Variants in FRMD4A observed in about 807,000 individuals in gnomAD.
FRMD4A encodes the protein FERM domain-containing protein 4A.
In FRMD4A, 29 loss-of-function variants were observed where a neutral mutation model predicts 129.1. That is an observed-to-expected ratio of 0.22 (90% CI 0.17 to 0.31). The LOEUF is 0.31. Among genes scored for constraint, FRMD4A ranks in the 10% least tolerant of loss-of-function variants. The probability of loss-of-function intolerance (pLI) is 1.00; values close to 1 mark genes in which losing one functional copy is unlikely to be tolerated. For missense variants in FRMD4A, 1,272 were observed against 1,375.8 expected (o/e 0.92, Z 1.19); for synonymous variants, 634 against 571.6 (o/e 1.11, Z -1.56).
intron 3 of FRMD4A, among the ~76,000 whole-genome samples, chr10:13,831,846 C>T (rs565882588): frequency 2.0e-4 from 30 of 152,174 alleles, no homozygotes; most frequent in Non-Finnish European, 2.8e-4. Context: ...AGGCATTCAC[C>T]GGGGGAGAGG....
At chr10:13,867,915 AATATATAATAAATAATAT>A (rs1460856767) in intron 2 of FRMD4A, among the ~76,000 whole-genome samples, 1 of 142,712 alleles carries the variant, frequency 7.0e-6, no homozygotes, top group Non-Finnish European at 1.5e-5. Flanking sequence ...TATATAATAT[AATATATAATAAATAATAT>A]ATATATAATA....
intron 2 of FRMD4A, among the ~76,000 whole-genome samples, chr10:14,139,431 ATTTC>A (rs146324451): frequency 0.25 from 37,253 of 150,478 alleles, 5,424 homozygotes; most frequent in East Asian, 0.54. Context: ...TCAAAAACAT[ATTTC>A]TTTTTTTATT....
chr10:14,041,375 T>TA (rs1286221951), intron 2 of FRMD4A, among the ~76,000 whole-genome samples: 2 of 152,278 alleles, frequency 1.3e-5, no homozygotes, highest in Admixed American at 1.3e-4. Flanking sequence ...TCAACATTTT[T>TA]ATTTTACAGC....
At chr10:13,886,230 G>T (rs200012113) in intron 2 of FRMD4A, among the ~76,000 whole-genome samples, 6 of 151,490 alleles carry the variant, frequency 4.0e-5, no homozygotes, top group South Asian at 2.1e-4. Flanking sequence ...TGCCGTTTTT[G>T]TTTTTTTTCC....
In FRMD4A at chr10:13,929,138, G is replaced by A. The variant is rs542498441; in HGVS notation, c.46-70226C>T. On this transcript the variant is annotated intron_variant, in intron 2 of 24. Coordinates refer to ENST00000357447, the MANE Select transcript of FRMD4A (RefSeq NM_018027.5). The stretch of plus-strand genomic sequence containing the variant: ...CACATTATTTGTGGGATGGTAGCCT[G>A]CAGGAGTTTTTTATTTTTAAATTAA... Among the ~76,000 whole-genome samples the A allele has an allele frequency of 4.2e-4, 64 of 152,310 alleles. 1 individual carries two copies. Among genetic ancestry groups the A allele is most frequent in the African/African-American group, 1.5e-3 (63 of 41,546 alleles).
intron 2 of FRMD4A, among the ~76,000 whole-genome samples, chr10:14,227,600 G>A (rs973068190): frequency 2.6e-5 from 4 of 151,870 alleles, no homozygotes; most frequent in Non-Finnish European, 5.9e-5. Context: ...CAGCTTGAGC[G>A]TCACTTACAC....
intron 2 of FRMD4A, among the ~76,000 whole-genome samples, chr10:14,030,687 G>A (rs1038825836): frequency 2.0e-5 from 3 of 152,228 alleles, no homozygotes; most frequent in African/African-American, 7.2e-5. Context: ...TTAAAGGTTT[G>A]CTTCTATAGG....
chr10:13,990,752 G>T (rs1287374896), intron 2 of FRMD4A, among the ~76,000 whole-genome samples: 1 of 152,212 alleles, frequency 6.6e-6, no homozygotes. Flanking sequence ...TCAGAAACGT[G>T]TAAGTGCCAG....
At chr10:14,176,426 C>A (rs1336547705) in intron 2 of FRMD4A, among the ~76,000 whole-genome samples, 3 of 147,078 alleles carry the variant, frequency 2.0e-5, no homozygotes, top group Non-Finnish European at 4.5e-5. Context: ...AAATAAAAAA[C>A]CAAAATGTCT....
chr10:13,711,673 A>G (rs77190665), intron 12 of FRMD4A, among the ~76,000 whole-genome samples: 12,089 of 152,324 alleles, frequency 0.079, 584 homozygotes, highest in Non-Finnish European at 0.1. Context: ...ATTCATACCT[A>G]TTAAATCAAG....
At chr10:14,157,486 T>C (rs1286921121) in intron 2 of FRMD4A, among the ~76,000 whole-genome samples, 5 of 152,206 alleles carry the variant, frequency 3.3e-5, no homozygotes, top group African/African-American at 4.8e-5. Context: ...ATTTCACTTT[T>C]TGAGTCTTCG....
chr10:13,986,718 C>T (rs1031773963), intron 2 of FRMD4A, among the ~76,000 whole-genome samples: 2 of 149,858 alleles, frequency 1.3e-5, no homozygotes, highest in South Asian at 2.1e-4. Context: ...CTTTTCCCTG[C>T]ACCCCGCTCC....
chr10:13,893,167 A>G (rs2610801), intron 2 of FRMD4A, among the ~76,000 whole-genome samples: 147,948 of 152,210 alleles, frequency 0.97, 72,011 homozygotes, highest in Non-Finnish European at 1. Flanking sequence ...CTCCTAAGTA[A>G]CTGGGACTAC....
rs199835533 is a variant in FRMD4A at position 13,836,978 on chromosome 10, C to T, written c.111+21869G>A. ...TTCACCGTGTTAGCCAGGACGGTCT[C>T]GAGCTCCTGACCTCATGATCTGCCT... On this transcript the variant is annotated intron_variant, in intron 3 of 24. Coordinates refer to ENST00000357447, the MANE Select transcript of FRMD4A (RefSeq NM_018027.5). 1.3e-4 allele frequency among the ~76,000 whole-genome samples: 20 copies of T among 152,128 alleles called. No homozygotes were observed. In the East Asian group the frequency reaches 2.3e-3, roughly 18 times the overall value.
At chr10:13,928,901 G>C (rs928677308) in intron 2 of FRMD4A, among the ~76,000 whole-genome samples, 1 of 152,136 alleles carries the variant, frequency 6.6e-6, no homozygotes, top group Non-Finnish European at 1.5e-5. Context: ...GAAGGAGGAG[G>C]CCTCCTTGAA....
intron 2 of FRMD4A, among the ~76,000 whole-genome samples, chr10:13,899,872 C>T (rs537697192): frequency 3.3e-5 from 5 of 152,278 alleles, no homozygotes; most frequent in Admixed American, 2.0e-4. Context: ...CCAGTTACAG[C>T]GGAAGACACC....
chr10:13,666,166 T>G lies in FRMD4A; in HGVS notation c.1534A>C (p.Asn512His), dbSNP rs750270418. 1 of 1,613,808 alleles carries G rather than the reference T, an allele frequency of 6.2e-7. No individual in the cohort carries two copies. Among genetic ancestry groups the G allele is most frequent in the East Asian group, 2.2e-5 (1 of 44,882 alleles). Residue 512 changes from asparagine to histidine, a missense_variant, in exon 18 of 25, where the codon AAT (asparagine) becomes CAT (histidine). Asn to His is a moderately conservative substitution (Grantham distance 68, BLOSUM62 1). This residue lies in a region of FRMD4A where 972 missense variants were observed against 892.3 expected (regional missense o/e 1.09). Transcript: ENST00000357447. ...NALKKLQEIE[N>H]AINENRIKSG... ...TTGATGCGGTTCTCATTGATTGCATTTTCAATCTCCTGCAGTTTCTTCAGT... is the reference window on the plus strand; with the variant it reads ...TTGATGCGGTTCTCATTGATTGCATGTTCAATCTCCTGCAGTTTCTTCAGT...
chr10:13,852,204 GA>G (rs1270268377), intron 3 of FRMD4A, among the ~76,000 whole-genome samples: 1 of 151,822 alleles, frequency 6.6e-6, no homozygotes, highest in Non-Finnish European at 1.5e-5. Flanking sequence ...CCATCCAAAA[GA>G]AATACAACGT....
chr10:14,285,119 G>C (rs1845641964), intron 2 of FRMD4A, among the ~76,000 whole-genome samples: 1 of 152,224 alleles, frequency 6.6e-6, no homozygotes, highest in Admixed American at 6.5e-5. Context: ...TAATGTGTAA[G>C]TATTGCAAAG....
Sources: allele counts gnomAD v4.1 joint callset (sites outside exome capture counted in the v4.1 genomes callset), GRCh38; gene constraint gnomAD v4.1.1; regional missense constraint gnomAD v4.1.1; transcripts MANE v1.5; gene names NCBI Gene and HGNC (gene_info 2026-07-23, HGNC 2026-07-21).